Variants in PGPEP1L observed in about 807,000 individuals in gnomAD.
PGPEP1L encodes pyroglutamyl-peptidase 1-like protein.
A neutral mutation model predicts 6.0 loss-of-function variants in PGPEP1L; 7 were observed. The observed-to-expected ratio is 1.17, with a 90% CI of 0.66 to 2.19. The LOEUF is 2.19. Ranked by LOEUF, PGPEP1L falls within the 30% of genes most tolerant of loss-of-function variation. PGPEP1L has a pLI of 0.00. For synonymous variants in PGPEP1L, 103 were observed against 83.9 expected (o/e 1.23, Z -1.24); for missense variants, 209 against 192.5 (o/e 1.09, Z -0.51).
intron 2 of PGPEP1L, among the ~76,000 whole-genome samples, chr15:98,979,783 G>A (rs1329491581): frequency 1.3e-5 from 2 of 151,876 alleles, no homozygotes; most frequent in African/African-American, 4.8e-5. Flanking sequence ...CACAGTAGCT[G>A]GGACTACAGG....
chr15:98,994,198 G>C (rs186688694), intron 2 of PGPEP1L, among the ~76,000 whole-genome samples: 1 of 152,018 alleles, frequency 6.6e-6, no homozygotes, highest in East Asian at 1.9e-4. Flanking sequence ...CCTGGGATGT[G>C]GAGGTTGCAG....
intron 2 of PGPEP1L, among the ~76,000 whole-genome samples, chr15:98,972,367 T>TAAATAAAC: frequency 6.8e-6 from 1 of 146,188 alleles, no homozygotes; most frequent in Non-Finnish European, 1.5e-5. Flanking sequence ...AATAAATAAA[T>TAAATAAAC]AAATAAATAA....
chr15:98,987,925 C>T (rs1298513422), intron 2 of PGPEP1L, among the ~76,000 whole-genome samples: 1 of 152,124 alleles, frequency 6.6e-6, no homozygotes, highest in Non-Finnish European at 1.5e-5. Context: ...CTGTGAGAGA[C>T]TGTACTAGGA....
intron 2 of PGPEP1L, among the ~76,000 whole-genome samples, chr15:98,988,756 G>A (rs1162304525): frequency 6.6e-6 from 1 of 152,212 alleles, no homozygotes; most frequent in Non-Finnish European, 1.5e-5. Context: ...GCTGGCATCT[G>A]GCAGGTGCCC....
intron 2 of PGPEP1L, among the ~76,000 whole-genome samples, chr15:98,983,045 A>T (rs557037575): frequency 1.3e-5 from 2 of 152,042 alleles, no homozygotes; most frequent in East Asian, 3.9e-4. Context: ...AAAACAAAAC[A>T]AACCCACTCT....
chr15:98,998,236 A>G (rs1036476818), intron 2 of PGPEP1L: 2 of 152,600 alleles, frequency 1.3e-5, no homozygotes, highest in African/African-American at 4.8e-5. Context: ...GCTGCACTCG[A>G]GCACCAGGTC....
At chr15:98,990,044 C>G (rs889834420) in intron 2 of PGPEP1L, among the ~76,000 whole-genome samples, 2 of 152,158 alleles carry the variant, frequency 1.3e-5, no homozygotes, top group African/African-American at 4.8e-5. Flanking sequence ...ATTGTAAAGA[C>G]TATTCATGAT....
rs184234128 is a variant in PGPEP1L, at chr15:98,990,245, C to T, written c.-142+15184G>A. 4.3e-4 allele frequency among the ~76,000 whole-genome samples: 65 copies of T among 150,148 alleles called. 1 individual carries two copies. The highest frequency in any genetic ancestry group is 1.2e-4 in the Non-Finnish European group (8 of 67,614). ...TCACGTGCAAAGACACACATAGGCT[C>T]AAAATAAAGGGATGGAGGAATATTT... On this transcript the variant is annotated intron_variant, in intron 2 of 4. Transcript: ENST00000535714.
At chr15:98,981,877 T>G (rs1231292900) in intron 2 of PGPEP1L, among the ~76,000 whole-genome samples, 1 of 152,158 alleles carries the variant, frequency 6.6e-6, no homozygotes, top group East Asian at 1.9e-4. Context: ...GGCTGCTCTG[T>G]TTAGCACCCT....
At chr15:98,975,185 C>T (rs746936723) in intron 2 of PGPEP1L, among the ~76,000 whole-genome samples, 3 of 152,168 alleles carry the variant, frequency 2.0e-5, no homozygotes, top group Non-Finnish European at 4.4e-5. Flanking sequence ...ATGGATAGAA[C>T]TGGAGGTCAT....
intron 2 of PGPEP1L, among the ~76,000 whole-genome samples, chr15:98,991,614 T>C (rs1274803400): frequency 6.6e-6 from 1 of 152,126 alleles, no homozygotes; most frequent in Non-Finnish European, 1.5e-5. Context: ...GAGGCGAGCA[T>C]CATCCTGATA....
intron 2 of PGPEP1L, among the ~76,000 whole-genome samples, chr15:98,973,099 T>TG (rs1321588769): frequency 5.9e-5 from 9 of 151,464 alleles, no homozygotes; most frequent in African/African-American, 1.9e-4. Context: ...TCAAGAATGG[T>TG]GAAAAAAAGG....
At chr15:98,990,551 C>G (rs2017805722) in intron 2 of PGPEP1L, among the ~76,000 whole-genome samples, 2 of 152,136 alleles carry the variant, frequency 1.3e-5, no homozygotes, top group Non-Finnish European at 2.9e-5. Flanking sequence ...TTAAACAGAT[C>G]AATGAGACAG....
chr15:99,004,746 T>G (rs1454154072), intron 2 of PGPEP1L, among the ~76,000 whole-genome samples: 20 of 151,984 alleles, frequency 1.3e-4, no homozygotes, highest in African/African-American at 7.2e-5. Context: ...TAAAGACCTT[T>G]GTGAAGATCA....
In PGPEP1L at chr15:98,982,605, C is replaced by T. The variant is rs766167180; in HGVS notation, c.-141-11447G>A. Among the ~76,000 whole-genome samples the T allele has an allele frequency of 2.4e-4, 37 of 151,046 alleles. 1 individual carries two copies. The highest frequency in any genetic ancestry group is 4.0e-4 in the Non-Finnish European group (27 of 67,830). On this transcript the variant is annotated intron_variant, in intron 2 of 4. Transcript: ENST00000535714. ...AAGCGGGTGCCCAGGACATGGTTGA[C>T]GCTGAGCTGGGGGCTATCATAGGTG...
intron 2 of PGPEP1L, among the ~76,000 whole-genome samples, chr15:98,978,360 T>G (rs922539712): frequency 2.6e-5 from 4 of 152,076 alleles, no homozygotes; most frequent in Non-Finnish European, 5.9e-5. Context: ...CAGATGTCAG[T>G]GTAGAGTCCA....
At chr15:99,003,642 G>A (rs1414944858) in intron 2 of PGPEP1L, among the ~76,000 whole-genome samples, 1 of 151,534 alleles carries the variant, frequency 6.6e-6, no homozygotes, top group Non-Finnish European at 1.5e-5. Flanking sequence ...ATTAAATGAA[G>A]AGACTGCCCC....
intron 2 of PGPEP1L, among the ~76,000 whole-genome samples, chr15:98,976,180 C>T (rs1567235594): frequency 6.6e-6 from 1 of 152,050 alleles, no homozygotes; most frequent in Non-Finnish European, 1.5e-5. Context: ...TACTTAATGC[C>T]ACTTACTTGT....
chr15:98,974,351 C>T (rs2017538631), intron 2 of PGPEP1L, among the ~76,000 whole-genome samples: 1 of 151,940 alleles, frequency 6.6e-6, no homozygotes, highest in African/African-American at 2.4e-5. Flanking sequence ...TGCACTCCAG[C>T]CTGGGTGACC....
Sources: allele counts gnomAD v4.1 joint callset (sites outside exome capture counted in the v4.1 genomes callset), GRCh38; gene constraint gnomAD v4.1.1; transcripts MANE v1.5; gene names NCBI Gene and HGNC (gene_info 2026-07-23, HGNC 2026-07-21).